ANKS1B: variants seen among roughly 807,000 people sequenced by gnomAD.
ANKS1B encodes ankyrin repeat and sterile alpha motif domain-containing protein 1B.
In ANKS1B, 36 loss-of-function variants were observed where a neutral mutation model predicts 148.3. The observed-to-expected ratio is 0.24, with a 90% CI of 0.19 to 0.32. The LOEUF is 0.32. ANKS1B is among the 10% of genes least tolerant of loss of function. The pLI is 1.00. For missense variants in ANKS1B, 1,157 were observed against 1,542.6 expected, an observed-to-expected ratio of 0.75 and a Z score of 4.19; for synonymous variants, 542 against 560.8, an observed-to-expected ratio of 0.97 and a Z score of 0.47.
intron 9 of ANKS1B, among the ~76,000 whole-genome samples, chr12:99,510,002 AT>A: frequency 6.6e-6 from 1 of 152,116 alleles, no homozygotes; most frequent in African/African-American, 2.4e-5. Context: ...GAAACAACAA[AT>A]CTGGATGACA....
intron 24 of ANKS1B, among the ~76,000 whole-genome samples, chr12:98,778,127 C>T (rs1013721424): frequency 3.3e-5 from 5 of 152,068 alleles, no homozygotes; most frequent in Non-Finnish European, 5.9e-5. Context: ...GGCAGGGGTA[C>T]GAGATGCAAG....
chr12:98,832,204 A>G lies in ANKS1B; in HGVS notation c.2779-68T>C, dbSNP rs2099323253. On this transcript the variant is annotated intron_variant, in intron 17 of 26. Transcript: ENST00000683438. ...AAATAATTTTTATATGTCCTAAAAC[A>G]TGTGGGGTGAAAAAAGATTTGTGCA... The G allele has an allele frequency of 6.4e-6, 8 of 1,252,272 alleles. No homozygotes were observed. In the South Asian group the frequency reaches 1.2e-4, roughly 18 times the overall value. The allele number at this position is 1,252,272 out of a possible 1,614,324, so 77.6% of individuals were successfully genotyped here.
At chr12:98,887,573 T>C (rs11109651) in intron 17 of ANKS1B, among the ~76,000 whole-genome samples, 24,664 of 152,148 alleles carry the variant, frequency 0.16, 2,438 homozygotes, top group East Asian at 0.38. Flanking sequence ...AACAATTATT[T>C]AGTTTTTCTT....
chr12:99,475,480 T>A (rs922874218), intron 10 of ANKS1B, among the ~76,000 whole-genome samples: 17 of 151,860 alleles, frequency 1.1e-4, no homozygotes, highest in Non-Finnish European at 2.1e-4. Flanking sequence ...TTGTATCATT[T>A]AAAAAACTAT....
chr12:99,360,409 C>T (rs951882348), intron 12 of ANKS1B, among the ~76,000 whole-genome samples: 3 of 152,020 alleles, frequency 2.0e-5, no homozygotes, highest in Non-Finnish European at 2.9e-5. Context: ...GGCCAAATAT[C>T]GAATACTAAA....
chr12:99,285,255 GT>G (rs2078977328), intron 12 of ANKS1B, among the ~76,000 whole-genome samples: 1 of 152,062 alleles, frequency 6.6e-6, no homozygotes, highest in Admixed American at 6.6e-5. Context: ...ACTCAGCATA[GT>G]TATTTTGATA....
chr12:99,648,070 T>G, intron 9 of ANKS1B: 2 of 1,482,988 alleles, frequency 1.3e-6, no homozygotes, highest in Non-Finnish European at 1.8e-6. Context: ...AGAACACGAC[T>G]GCTGGCCCAC....
intron 17 of ANKS1B, among the ~76,000 whole-genome samples, chr12:98,867,036 G>A (rs764783260): frequency 1.2e-4 from 18 of 152,214 alleles, no homozygotes; most frequent in Non-Finnish European, 1.3e-4. Context: ...GTGGAAAGGT[G>A]AGGATTATAT....
At chr12:99,002,071 T>C (rs918566028) in intron 17 of ANKS1B, among the ~76,000 whole-genome samples, 1 of 152,238 alleles carries the variant, frequency 6.6e-6, no homozygotes, top group Admixed American at 6.5e-5. Context: ...TTAGGTTGTT[T>C]CCATACCTTG....
chr12:99,338,474 C>T lies in ANKS1B; in HGVS notation c.1756+61157G>A, dbSNP rs1015976484. On this transcript the variant is annotated intron_variant, in intron 12 of 26. Coordinates refer to ENST00000683438, the MANE Select transcript of ANKS1B (RefSeq NM_001352186.2). ...GTCCAGAAATGTCATCTAAGAGCTA[C>T]GGCCTGGAATCTGGGACTTTAAGAG... Among the ~76,000 whole-genome samples, 7 of 152,140 alleles carry T rather than the reference C, an allele frequency of 4.6e-5. No homozygotes were observed. The East Asian group carries it at 7.7e-4, about 17-fold the overall frequency.
At chr12:99,865,099 T>A (rs978510811) in intron 1 of ANKS1B, among the ~76,000 whole-genome samples, 3 of 152,244 alleles carry the variant, frequency 2.0e-5, no homozygotes, top group African/African-American at 7.2e-5. Context: ...GGTATTGGTG[T>A]CCTACACATG....
At chr12:99,627,038 T>C (rs1229389145) in intron 9 of ANKS1B, among the ~76,000 whole-genome samples, 1 of 152,182 alleles carries the variant, frequency 6.6e-6, no homozygotes, top group Non-Finnish European at 1.5e-5. Flanking sequence ...TAATTTTACA[T>C]GCTTTCAGAA....
intron 2 of ANKS1B, among the ~76,000 whole-genome samples, chr12:99,823,366 T>C (rs2082746747): frequency 6.6e-6 from 1 of 152,160 alleles, no homozygotes; most frequent in Non-Finnish European, 1.5e-5. Flanking sequence ...AGTGCAGTCA[T>C]GAGATCTCTG....
At chr12:99,583,345 T>G (rs1274937587) in intron 9 of ANKS1B, among the ~76,000 whole-genome samples, 1 of 152,182 alleles carries the variant, frequency 6.6e-6, no homozygotes. Context: ...TTCTTAAAAG[T>G]AGGTCTTCAG....
chr12:98,765,284 A>G (rs2098465460), intron 25 of ANKS1B, among the ~76,000 whole-genome samples: 1 of 152,164 alleles, frequency 6.6e-6, no homozygotes, highest in South Asian at 2.1e-4. Flanking sequence ...TTATTTTTTG[A>G]GTCAGAGTCT....
intron 17 of ANKS1B, among the ~76,000 whole-genome samples, chr12:98,857,224 C>T (rs524857): frequency 0.22 from 34,205 of 152,092 alleles, 4,338 homozygotes; most frequent in East Asian, 0.49. Flanking sequence ...ATATTTTAAG[C>T]GAGGTCTTAG....
chr12:99,576,885 C>T (rs1375810746), intron 9 of ANKS1B, among the ~76,000 whole-genome samples: 5 of 151,756 alleles, frequency 3.3e-5, no homozygotes, highest in Non-Finnish European at 5.9e-5. Flanking sequence ...GTACCCAATA[C>T]TTAGTTTTTC....
chr12:99,532,981 T>A (rs2097017597), intron 9 of ANKS1B, among the ~76,000 whole-genome samples: 2 of 152,234 alleles, frequency 1.3e-5, no homozygotes, highest in Non-Finnish European at 1.5e-5. Context: ...TTTGTTCTTT[T>A]TCCTTAGGAC....
chr12:99,605,023 T>A (rs1480190625), intron 9 of ANKS1B, among the ~76,000 whole-genome samples: 1 of 151,886 alleles, frequency 6.6e-6, no homozygotes, highest in Non-Finnish European at 1.5e-5. Flanking sequence ...GAATAAAAAC[T>A]GTCACATTCT....
Sources: allele counts gnomAD v4.1 joint callset (sites outside exome capture counted in the v4.1 genomes callset), GRCh38; gene constraint gnomAD v4.1.1; transcripts MANE v1.5; gene names NCBI Gene and HGNC (gene_info 2026-07-23, HGNC 2026-07-21).